LRBA: variants seen among roughly 807,000 people sequenced by gnomAD.
LRBA encodes the protein LPS responsive beige-like anchor protein, also known as lipopolysaccharide-responsive and beige-like anchor protein.
LRBA carries 176 observed loss-of-function variants against 330.0 expected under a neutral mutation model. That is an observed-to-expected ratio of 0.53 (90% confidence interval 0.47 to 0.60). The LOEUF (loss-of-function observed/expected upper bound fraction) is 0.60. Ranked by LOEUF, LRBA falls within the 20% of genes least tolerant of loss-of-function variation. The pLI is 0.00. For missense variants in LRBA, 3,259 were observed against 3,444.8 expected, an observed-to-expected ratio of 0.95 and a Z score of 1.35; for synonymous variants, 1,230 against 1,193.0, an observed-to-expected ratio of 1.03 and a Z score of -0.64.
At chr4:150,620,932 G>T (rs1027886047) in intron 37 of LRBA, among the ~76,000 whole-genome samples, 1 of 151,762 alleles carries the variant, frequency 6.6e-6, no homozygotes, top group African/African-American at 2.4e-5. Flanking sequence ...GTAACCACTT[G>T]TACTCCAAAA....
chr4:150,347,289 G>A (rs77525160), intron 48 of LRBA, among the ~76,000 whole-genome samples: 1 of 152,146 alleles, frequency 6.6e-6, no homozygotes, highest in African/African-American at 2.4e-5. Context: ...TCTAGAGATG[G>A]ATGGTGGTGA....
chr4:150,905,699 T>C (rs193149731), intron 13 of LRBA, 139 bp downstream of exon 13: 1 of 660,842 alleles, frequency 1.5e-6, no homozygotes, highest in Non-Finnish European at 2.5e-6. Context: ...TAAAAAAGGA[T>C]GCTTAGTCAA....
chr4:150,808,071 CAAAT>C (rs747271857), intron 32 of LRBA, among the ~76,000 whole-genome samples: 2 of 152,124 alleles, frequency 1.3e-5, no homozygotes, highest in Non-Finnish European at 2.9e-5. Flanking sequence ...TTTTTTACCA[CAAAT>C]AGTCACTTCT....
rs538777055 is a variant in LRBA at position 150,415,377 on chromosome 4, C to T, written c.7194+61G>A. ...GCAAGGGTTAATGATTATACACCAA[C>T]ACATGAAAGATGCTTTGAGCAAAAG... On this transcript the variant is annotated intron_variant, in intron 47 of 56. Transcript: ENST00000651943. The T allele has an allele frequency of 3.4e-6, 5 of 1,487,186 alleles. No homozygotes were observed. In the Admixed American group the frequency reaches 8.9e-5, roughly 26 times the overall value. 92.1% of individuals were successfully genotyped at this position (1,487,186 alleles called of 1,614,324 possible).
At chr4:150,485,109 A>T (rs1757718795) in intron 42 of LRBA, among the ~76,000 whole-genome samples, 1 of 151,990 alleles carries the variant, frequency 6.6e-6, no homozygotes, top group South Asian at 2.1e-4. Flanking sequence ...GCAATTGACT[A>T]AAATGTTTTA....
chr4:151,009,837 G>A (rs1383902474), intron 2 of LRBA, among the ~76,000 whole-genome samples: 3 of 151,900 alleles, frequency 2.0e-5, no homozygotes, highest in Admixed American at 2.0e-4. Context: ...AAAATTAGCT[G>A]GGCGTGGTGG....
In LRBA at chr4:150,905,965, G is replaced by A. The variant is rs1324035143; in HGVS notation, c.1628C>T (p.Ala543Val). 1 of 1,613,370 alleles carries A rather than the reference G, an allele frequency of 6.2e-7. No individual in the cohort carries two copies. The highest frequency in any genetic ancestry group is 1.3e-5 in the African/African-American group (1 of 74,892). ...AAATGCAAGGCAAAGTTCAAGTACT[G>A]CTCTGCTAACATGAGATTTGGAAGA... is the stretch of plus-strand genomic sequence containing the variant. ...EKSSKSHVSR[A>V]VLELCLAFSK... The change falls in exon 13 of 57, where the codon GCA (alanine) becomes GTA (valine). Residue 543 changes from alanine to valine, a missense_variant. Coordinates refer to ENST00000651943, the MANE Select transcript of LRBA (RefSeq NM_001364905.1).
At chr4:150,563,451 A>C (rs1028608083) in intron 40 of LRBA, among the ~76,000 whole-genome samples, 2 of 152,192 alleles carry the variant, frequency 1.3e-5, no homozygotes, top group African/African-American at 4.8e-5. Context: ...TATCATACTG[A>C]ATGGACAAAA....
rs117026588 is a variant in LRBA at position 150,944,026 on chromosome 4, A to G, written c.217-14961T>C. On this transcript the variant is annotated intron_variant, in intron 2 of 56. Transcript: ENST00000651943. ...CCAGCACCAACTTGCCAGTCATGTAAGTAACCCTGAAAGCAAGTCCTCTAG... is the reference window on the plus strand; with the variant it reads ...CCAGCACCAACTTGCCAGTCATGTAGGTAACCCTGAAAGCAAGTCCTCTAG... Among the ~76,000 whole-genome samples the G allele has an allele frequency of 4.6e-5, 7 of 152,318 alleles. No individual in the cohort carries two copies. The East Asian group carries it at 1.2e-3, about 25-fold the overall frequency.
intron 28 of LRBA, among the ~76,000 whole-genome samples, chr4:150,841,852 T>G (rs894952442): frequency 6.6e-6 from 1 of 151,934 alleles, no homozygotes; most frequent in African/African-American, 2.4e-5. Context: ...GAGATGGGGA[T>G]TCACCATGTT....
intron 34 of LRBA, among the ~76,000 whole-genome samples, chr4:150,793,889 A>G (rs1248827601): frequency 6.6e-6 from 1 of 152,244 alleles, no homozygotes; most frequent in Non-Finnish European, 1.5e-5. Context: ...AAGCAGAAAT[A>G]GCTGTTACCT....
chr4:150,807,241 T>G (rs1418802707), intron 32 of LRBA, among the ~76,000 whole-genome samples: 1 of 152,070 alleles, frequency 6.6e-6, no homozygotes, highest in Non-Finnish European at 1.5e-5. Context: ...CTATTCATAC[T>G]ACCAAGAAGA....
At chr4:150,753,092 TAG>T (rs1302899722) in intron 35 of LRBA, among the ~76,000 whole-genome samples, 2 of 152,216 alleles carry the variant, frequency 1.3e-5, no homozygotes, top group African/African-American at 4.8e-5. Context: ...TGGCGATTCA[TAG>T]AAATTCATCT....
intron 2 of LRBA, among the ~76,000 whole-genome samples, chr4:150,982,387 C>G (rs764900444): frequency 2.0e-5 from 3 of 152,066 alleles, no homozygotes; most frequent in African/African-American, 4.8e-5. Flanking sequence ...CCCTTGAAAA[C>G]TAGGTTTAGA....
chr4:150,693,973 A>C (rs1001758215), intron 36 of LRBA, among the ~76,000 whole-genome samples: 14 of 152,250 alleles, frequency 9.2e-5, no homozygotes, highest in African/African-American at 3.4e-4. Context: ...CTAATTAAAC[A>C]ATTTGTTTTG....
chr4:150,630,646 A>C (rs1777285531), intron 37 of LRBA, among the ~76,000 whole-genome samples: 1 of 152,186 alleles, frequency 6.6e-6, no homozygotes. Flanking sequence ...ACCAGAAATT[A>C]CCTAATAATG....
At chr4:150,421,365 C>T (rs1482693566) in intron 46 of LRBA, among the ~76,000 whole-genome samples, 10 of 145,408 alleles carry the variant, frequency 6.9e-5, no homozygotes, top group Non-Finnish European at 1.5e-4. Flanking sequence ...TACATATATA[C>T]ACATACACAA....
intron 37 of LRBA, among the ~76,000 whole-genome samples, chr4:150,599,392 A>C (rs1310297891): frequency 6.6e-6 from 1 of 152,194 alleles, no homozygotes; most frequent in East Asian, 1.9e-4. Context: ...TCATTTTGAA[A>C]TGAATTGCTG....
chr4:150,943,142 T>G (rs1251877000), intron 2 of LRBA, among the ~76,000 whole-genome samples: 1 of 152,158 alleles, frequency 6.6e-6, no homozygotes. Flanking sequence ...GTCTAAGAAA[T>G]AATGAATTAA....
Sources: gnomAD v4.1 joint callset for allele counts (sites outside exome capture counted in the v4.1 genomes callset) on GRCh38, gnomAD v4.1.1 for gene constraint, MANE v1.5 for transcripts, NCBI Gene and HGNC (gene_info 2026-07-23, HGNC 2026-07-21) for gene names.